MTREX: variants seen among roughly 807,000 people sequenced by gnomAD.
MTREX encodes exosome RNA helicase MTR4.
A neutral mutation model predicts 135.4 loss-of-function variants in MTREX; 76 were observed. That is an observed-to-expected ratio of 0.56 (90% CI 0.47 to 0.68). MTREX has a LOEUF of 0.68. Among genes scored for constraint, MTREX ranks in the 30% least tolerant of loss-of-function variants. The probability of loss-of-function intolerance (pLI) is 0.00; values close to 1 mark genes in which losing one functional copy is unlikely to be tolerated. For missense variants in MTREX, 920 were observed against 1,262.1 expected (o/e 0.73, Z 4.11); for synonymous variants, 404 against 401.6 (o/e 1.01, Z -0.07).
chr5:55,424,978 G>GCACT lies in MTREX; in HGVS notation c.*207_*210dup. ...TTTAATAAAAATGTATACAGGTGGGGCACTGTTTTGGTGGAAGGCTTGGAG... is the reference window on the plus strand; with the variant it reads ...TTTAATAAAAATGTATACAGGTGGGGCACTCACTGTTTTGGTGGAAGGCTTGGAG... On this transcript the variant is annotated 3_prime_UTR_variant, in exon 27 of 27. Coordinates refer to ENST00000230640, the MANE Select transcript of MTREX (RefSeq NM_015360.5). The GCACT allele has an allele frequency of 1.5e-6, 1 of 650,912 alleles. No homozygotes were observed. The highest frequency in any genetic ancestry group is 2.6e-6 in the Non-Finnish European group (1 of 389,932). 40.3% of individuals were successfully genotyped at this position (650,912 alleles called of 1,614,324 possible). A position where few individuals can be genotyped will look rare whatever the true frequency, so the allele number is the denominator to read the frequency against.
At position 55,345,199 on chromosome 5, in the gene MTREX, A is replaced by G; in HGVS notation, c.1108+3A>G. On this transcript the variant is annotated splice_donor_region_variant and intron_variant, in intron 10 of 26. Transcript: ENST00000230640. Reference sequence around the variant, plus strand: ...AGGGCGGAAAGGAGGAACAAAAGGTAATTTGGAACTTTGCTTTGAGAGAAT... The same window carrying G: ...AGGGCGGAAAGGAGGAACAAAAGGTGATTTGGAACTTTGCTTTGAGAGAAT... The G allele has an allele frequency of 6.3e-7, 1 of 1,578,866 alleles. No individual in the cohort carries two copies. The highest frequency in any genetic ancestry group is 8.7e-7 in the Non-Finnish European group (1 of 1,149,788).
In MTREX at chr5:55,358,718, G is replaced by A. The variant is rs1176071643; in HGVS notation, c.1659+20G>A. The A allele has an allele frequency of 6.4e-7, 1 of 1,563,528 alleles. No individual in the cohort carries two copies. The highest frequency in any genetic ancestry group is 8.6e-7 in the Non-Finnish European group (1 of 1,162,946). On this transcript the variant is annotated intron_variant, in intron 15 of 26. Transcript: ENST00000230640. The stretch of plus-strand genomic sequence containing the variant: ...CTTAAGGTAACTACATTAAGATTGT[G>A]TACCTTTACCAAGAATTCCAGAAAT...
chr5:55,365,561 A>G (rs546841279), intron 15 of MTREX, among the ~76,000 whole-genome samples: 2 of 152,246 alleles, frequency 1.3e-5, no homozygotes, highest in Admixed American at 6.5e-5. Context: ...GTATTTTGCT[A>G]TGCCATTTAG....
chr5:55,327,851 G>A, intron 4 of MTREX, 73 bp downstream of exon 4: 1 of 1,153,780 alleles, frequency 8.7e-7, no homozygotes, highest in Non-Finnish European at 1.3e-6. Context: ...TATTTCAAAT[G>A]AGATTTTTAT....
chr5:55,314,880 A>G (rs1221024736), intron 1 of MTREX, among the ~76,000 whole-genome samples: 2 of 152,292 alleles, frequency 1.3e-5, no homozygotes, highest in African/African-American at 4.8e-5. Flanking sequence ...CACATGTACA[A>G]TTCACAATAG....
intron 3 of MTREX, 146 bp downstream of exon 3, chr5:55,324,344 G>T: frequency 2.5e-6 from 1 of 402,276 alleles, no homozygotes; most frequent in Admixed American, 4.3e-5. Flanking sequence ...GAAGAGTTGG[G>T]GCTTTGTAAT....
intron 10 of MTREX, among the ~76,000 whole-genome samples, chr5:55,345,599 A>G (rs1428722410): frequency 3.3e-5 from 5 of 149,782 alleles, no homozygotes; most frequent in African/African-American, 1.2e-4. Flanking sequence ...TTGTCTGTGC[A>G]TTTCATGTTT....
At chr5:55,371,494 T>C (rs1750199851) in intron 16 of MTREX, among the ~76,000 whole-genome samples, 1 of 152,174 alleles carries the variant, frequency 6.6e-6, no homozygotes, top group South Asian at 2.1e-4. Flanking sequence ...GGGCATATTT[T>C]ACATGCTATC....
chr5:55,376,399 A>T (rs1750301277), intron 16 of MTREX, among the ~76,000 whole-genome samples: 1 of 152,198 alleles, frequency 6.6e-6, no homozygotes, highest in African/African-American at 2.4e-5. Context: ...CCAATTTTTG[A>T]TCGATGCCTT....
At chr5:55,340,836 C>T (rs1229714617) in intron 6 of MTREX, among the ~76,000 whole-genome samples, 2 of 152,186 alleles carry the variant, frequency 1.3e-5, no homozygotes, top group Non-Finnish European at 2.9e-5. Context: ...CTGCCTCAGC[C>T]TCCCAAAGTG....
At chr5:55,328,473 T>G (rs900486131) in intron 4 of MTREX, among the ~76,000 whole-genome samples, 4 of 152,178 alleles carry the variant, frequency 2.6e-5, no homozygotes, top group Non-Finnish European at 5.9e-5. Flanking sequence ...ACCAACATAA[T>G]GTGATGATTG....
At chr5:55,317,752 G>C (rs1277880928) in intron 1 of MTREX, among the ~76,000 whole-genome samples, 1 of 152,158 alleles carries the variant, frequency 6.6e-6, no homozygotes, top group Admixed American at 6.5e-5. Context: ...GAAAGCCATT[G>C]CAACAAAAGC....
intron 1 of MTREX, 145 bp downstream of exon 1, chr5:55,308,292 G>T (rs1749005418): frequency 2.0e-6 from 2 of 987,984 alleles, no homozygotes; most frequent in Admixed American, 3.5e-5. Flanking sequence ...AAGTTGGAGA[G>T]GGTGGAAGAA....
chr5:55,388,187 G>C, intron 19 of MTREX, 85 bp downstream of exon 19: 1 of 1,179,524 alleles, frequency 8.5e-7, no homozygotes. Flanking sequence ...TGATGGTAAT[G>C]AACATACTAT....
chr5:55,331,751 TC>T (rs1416731346), intron 5 of MTREX, among the ~76,000 whole-genome samples: 2 of 152,200 alleles, frequency 1.3e-5, no homozygotes, highest in African/African-American at 2.4e-5. Context: ...TAGGGAAACT[TC>T]CAGGGTTTAC....
intron 22 of MTREX, among the ~76,000 whole-genome samples, 181 bp downstream of exon 22, chr5:55,405,769 T>G (rs929806110): frequency 2.0e-5 from 3 of 152,148 alleles, no homozygotes; most frequent in African/African-American, 7.2e-5. Flanking sequence ...CCATTATCTT[T>G]AGGAAAAAAG....
At chr5:55,371,758 T>A (rs1750207244) in intron 16 of MTREX, among the ~76,000 whole-genome samples, 1 of 152,182 alleles carries the variant, frequency 6.6e-6, no homozygotes, top group South Asian at 2.1e-4. Context: ...AGTTTTTTTT[T>A]AACATGAGAA....
At chr5:55,347,341 G>A (rs1002473061) in intron 11 of MTREX, among the ~76,000 whole-genome samples, 197 bp downstream of exon 11, 9 of 152,098 alleles carry the variant, frequency 5.9e-5, no homozygotes, top group Non-Finnish European at 1.5e-5. Flanking sequence ...TTTATTGAAA[G>A]ATATGAGTAC....
intron 25 of MTREX, among the ~76,000 whole-genome samples, chr5:55,416,776 G>A (rs1353486018): frequency 6.6e-6 from 1 of 152,158 alleles, no homozygotes; most frequent in Non-Finnish European, 1.5e-5. Context: ...TAAATGGCCA[G>A]TTGTATTTAC....
Sources: gnomAD v4.1 joint callset for allele counts (sites outside exome capture counted in the v4.1 genomes callset) on GRCh38, gnomAD v4.1.1 for gene constraint, MANE v1.5 for transcripts, NCBI Gene and HGNC (gene_info 2026-07-23, HGNC 2026-07-21) for gene names.